The following TRIM77 variants were observed in gnomAD, a reference collection of about 807,000 sequenced individuals.
The protein encoded by TRIM77 is tripartite motif containing 77, also known as tripartite motif-containing protein 77.
TRIM77 carries 23 observed loss-of-function variants against 31.8 expected under a neutral mutation model. The observed-to-expected ratio is 0.72, with a 90% CI of 0.52 to 1.02. The LOEUF (loss-of-function observed/expected upper bound fraction) is 1.02, where lower values mean the gene tolerates loss of function less well. Ranked by LOEUF, TRIM77 falls within the 50% of genes least tolerant of loss-of-function variation. The pLI is 0.00. For synonymous variants in TRIM77, 159 were observed against 183.1 expected (o/e 0.87, Z 1.06); for missense variants, 446 against 539.2 (o/e 0.83, Z 1.71).
At chr11:89,715,834 G>A (rs1366663938) in intron 4 of TRIM77, 56 bp from the exon 5 acceptor site, 1 of 1,153,760 alleles carries the variant, frequency 8.7e-7, no homozygotes, top group Non-Finnish European at 1.2e-6. Context: ...CTTATTAGTG[G>A]ATTGCTAATG....
intron 2 of TRIM77, among the ~76,000 whole-genome samples, chr11:89,712,314 G>T (rs532517456): frequency 6.6e-6 from 1 of 152,090 alleles, no homozygotes; most frequent in African/African-American, 2.4e-5. Flanking sequence ...CTGCATTCTC[G>T]TGAGGGCCTA....
intron 4 of TRIM77, among the ~76,000 whole-genome samples, chr11:89,715,626 T>C (rs573244120): frequency 6.6e-6 from 1 of 152,084 alleles, no homozygotes; most frequent in African/African-American, 2.4e-5. Flanking sequence ...ATTAAATGAG[T>C]ATTTCTGCAT....
At position 89,717,542 on chromosome 11, in the gene TRIM77, T is replaced by C. The variant is rs2134549327; in HGVS notation, c.1023T>C (p.His341=). The C allele has an allele frequency of 1.3e-6, 2 of 1,551,550 alleles. No homozygotes were observed. The highest frequency in any genetic ancestry group is 2.0e-5 in the Admixed American group (1 of 50,984). Residue 341 remains histidine (H), a synonymous_variant, in exon 6 of 6, where the codon CAT becomes CAC. Transcript: ENST00000398290. ...CTCAGATCCTCAGCTCTGGCAAACA[T>C]TACTGGGAGGTGGATGTGAAAGACT... The part of the protein sequence containing the change: ...WGAQILSSGK[H]YWEVDVKDSC...
At chr11:89,715,232 G>A (rs372086762) in intron 4 of TRIM77, 52 bp downstream of exon 4, 23 of 1,509,984 alleles carry the variant, frequency 1.5e-5, no homozygotes, top group Middle Eastern at 3.4e-4. Context: ...TAATCAGGCT[G>A]TTTCTGCTGG....
chr11:89,716,115 G>C, intron 5 of TRIM77, 128 bp downstream of exon 5: 1 of 484,792 alleles, frequency 2.1e-6, no homozygotes, highest in East Asian at 3.4e-5. Flanking sequence ...GGTAAATATG[G>C]AAACCTTTAT....
chr11:89,715,745 A>T, intron 4 of TRIM77, 145 bp from the exon 5 acceptor site: 1 of 554,574 alleles, frequency 1.8e-6, no homozygotes, highest in Non-Finnish European at 3.2e-6. Flanking sequence ...TGTAAAATAC[A>T]GTTACAATTG....
intron 5 of TRIM77, 123 bp from the exon 6 acceptor site, chr11:89,717,256 C>A: frequency 1.1e-6 from 1 of 892,800 alleles, no homozygotes; most frequent in Non-Finnish European, 1.6e-6. Context: ...ATAAACAAAA[C>A]CAGTTGCTTT....
At chr11:89,715,781 A>G in intron 4 of TRIM77, 109 bp from the exon 5 acceptor site, 1 of 656,372 alleles carries the variant, frequency 1.5e-6, no homozygotes, top group Non-Finnish European at 2.6e-6. Context: ...CTTGAGTTCA[A>G]GTCACACTCT....
chr11:89,715,091 C>A lies in TRIM77; in HGVS notation c.739-67C>A, dbSNP rs991446759. ...CAATTCAGTCCATATCCTCAGACTG[C>A]ATGTCTAGGATATATTGAGAGAACC... On this transcript the variant is annotated intron_variant, in intron 3 of 5. Coordinates refer to ENST00000398290, the MANE Select transcript of TRIM77 (RefSeq NM_001146162.1). 7 of 1,475,650 alleles carry A rather than the reference C, an allele frequency of 4.7e-6. No individual in the cohort carries two copies. The African/African-American group carries it at 7.0e-5, about 15-fold the overall frequency. 91.4% of individuals were successfully genotyped at this position (1,475,650 alleles called of 1,614,324 possible). A position where few individuals can be genotyped will look rare whatever the true frequency, so the allele number is the denominator to read the frequency against.
intron 5 of TRIM77, among the ~76,000 whole-genome samples, chr11:89,716,685 T>G (rs1809794292): frequency 6.6e-6 from 1 of 152,156 alleles, no homozygotes; most frequent in Admixed American, 6.6e-5. Flanking sequence ...TATTTCACTT[T>G]TGCTTGCTTA....
chr11:89,715,285 T>A, intron 4 of TRIM77, 105 bp downstream of exon 4: 1 of 1,064,768 alleles, frequency 9.4e-7, no homozygotes, highest in East Asian at 2.6e-5. Flanking sequence ...TCTGTATTTA[T>A]TCCTTTCTTA....
intron 5 of TRIM77, among the ~76,000 whole-genome samples, chr11:89,716,865 A>G (rs1949164771): frequency 6.6e-6 from 1 of 152,030 alleles, no homozygotes; most frequent in South Asian, 2.1e-4. Flanking sequence ...ATTTTGCGAA[A>G]ATTGGTTAAT....
intron 2 of TRIM77, among the ~76,000 whole-genome samples, chr11:89,712,388 A>T (rs1423700343): frequency 6.6e-6 from 1 of 152,172 alleles, no homozygotes; most frequent in Admixed American, 6.6e-5. Flanking sequence ...GAAGAAATAG[A>T]TCGCTTACCC....
At position 89,710,350 on chromosome 11, in the gene TRIM77, T is replaced by G. The variant is rs1449738944; in HGVS notation, c.52T>G (p.Cys18Gly). 8.4e-6 allele frequency: 13 copies of G among 1,550,150 alleles called. No individual in the cohort carries two copies. The highest frequency in any genetic ancestry group is 1.1e-5 in the Non-Finnish European group (13 of 1,145,514). The part of the protein sequence containing the change: ...CSTSELTCSI[C>G]TDYLTDPVTI... Reference sequence around the variant, plus strand: ...TACCAGTGAGCTCACCTGCTCGATCTGCACAGACTATTTGACAGACCCTGT... The same window carrying G: ...TACCAGTGAGCTCACCTGCTCGATCGGCACAGACTATTTGACAGACCCTGT... Residue 18 changes from cysteine (C) to glycine (G), a missense_variant, in exon 1 of 6, where the codon TGC becomes GGC. Physicochemically the swap from Cys to Gly is radical, Grantham distance 159 (BLOSUM62 -3). Around this residue, in one of 3 missense-constraint regions of TRIM77, gnomAD observed 72 missense variants for 64.7 expected, o/e 1.11. Coordinates refer to ENST00000398290, the MANE Select transcript of TRIM77 (RefSeq NM_001146162.1).
intron 2 of TRIM77, among the ~76,000 whole-genome samples, chr11:89,713,923 A>G (rs1249240476): frequency 6.6e-6 from 1 of 152,204 alleles, no homozygotes; most frequent in Non-Finnish European, 1.5e-5. Context: ...ATTATATAAG[A>G]CAACATAAAT....
At chr11:89,716,723 C>T (rs1322421450) in intron 5 of TRIM77, among the ~76,000 whole-genome samples, 1 of 152,088 alleles carries the variant, frequency 6.6e-6, no homozygotes, top group Admixed American at 6.6e-5. Context: ...TACTTCTTGG[C>T]CTTTTGGCTA....
At chr11:89,716,531 G>A (rs886463916) in intron 5 of TRIM77, among the ~76,000 whole-genome samples, 2 of 152,254 alleles carry the variant, frequency 1.3e-5, no homozygotes, top group Admixed American at 1.3e-4. Context: ...CTATGCAGAC[G>A]AATGGAAATG....
intron 5 of TRIM77, 127 bp from the exon 6 acceptor site, chr11:89,717,252 A>C: frequency 1.1e-6 from 1 of 897,534 alleles, no homozygotes; most frequent in East Asian, 2.7e-5. Flanking sequence ...CCTAATAAAC[A>C]AAACCAGTTG....
intron 2 of TRIM77, 39 bp downstream of exon 2, chr11:89,711,544 A>T: frequency 8.5e-7 from 1 of 1,177,136 alleles, no homozygotes; most frequent in Non-Finnish European, 1.2e-6. Flanking sequence ...CCAGTTTGGA[A>T]TAGAAAATGT....
Sources: allele counts gnomAD v4.1 joint callset (sites outside exome capture counted in the v4.1 genomes callset), GRCh38; gene constraint gnomAD v4.1.1; regional missense constraint gnomAD v4.1.1; transcripts MANE v1.5; gene names NCBI Gene and HGNC (gene_info 2026-07-23, HGNC 2026-07-21).